The following RNF212B variants were observed in gnomAD, a reference collection of about 807,000 sequenced individuals.
The protein encoded by RNF212B is E3 ubiquitin-protein ligase RNF212B.
In RNF212B, 52 loss-of-function variants were observed where a neutral mutation model predicts 55.5. The observed-to-expected ratio is 0.94, with a 90% CI of 0.75 to 1.18. RNF212B has a LOEUF of 1.18. Among genes scored for constraint, RNF212B ranks in the 50% most tolerant of loss-of-function variants. RNF212B has a pLI of 0.00. For synonymous variants in RNF212B, 99 were observed against 121.4 expected, an observed-to-expected ratio of 0.82 and a Z score of 1.21; for missense variants, 289 against 350.4, an observed-to-expected ratio of 0.82 and a Z score of 1.40.
intron 2 of RNF212B, among the ~76,000 whole-genome samples, chr14:23,231,915 T>G (rs565618701): frequency 6.6e-6 from 1 of 151,660 alleles, no homozygotes; most frequent in South Asian, 2.1e-4. Flanking sequence ...GTGCCGGGAT[T>G]GCAGACGGAG....
chr14:23,234,000 G>A (rs996680069), upstream of RNF212B, among the ~76,000 whole-genome samples: 6 of 152,140 alleles, frequency 3.9e-5, no homozygotes, highest in Admixed American at 3.9e-4. Flanking sequence ...AGGAGGCTAA[G>A]GCAGGAGAAT....
intron 2 of RNF212B, among the ~76,000 whole-genome samples, chr14:23,229,220 T>TTATATATATATATATATA (rs61656270): frequency 5.1e-4 from 33 of 65,014 alleles, no homozygotes; most frequent in South Asian, 2.0e-3. Context: ...GAATAATATT[T>TTATATATATATATATATA]TATATATATA....
chr14:23,272,874 T>C lies in RNF212B; in HGVS notation c.886T>C (p.Trp296Arg), dbSNP rs890687127. The change falls in exon 15 of 15, where the codon TGG becomes CGG. Residue 296 changes from tryptophan to arginine, a missense_variant. Transcript: ENST00000430154. ...GGGATTACCCAGTGGGAGAGAAGCA[T>C]GGACCACTTCTAGATAGATCATCTT... ...HMGLPSGREA[W>R]TTSR The C allele has an allele frequency of 3.3e-5, 51 of 1,544,578 alleles. No individual in the cohort carries two copies. The East Asian group carries it at 7.1e-4, about 21-fold the overall frequency.
intron 1 of RNF212B, among the ~76,000 whole-genome samples, chr14:23,189,924 C>T (rs1027570586): frequency 6.6e-6 from 1 of 152,228 alleles, no homozygotes; most frequent in Non-Finnish European, 1.5e-5. Flanking sequence ...GGAATTACCA[C>T]ATCAAAGCTT....
At chr14:23,263,952 G>A (rs1436706759) in intron 9 of RNF212B, among the ~76,000 whole-genome samples, 3 of 152,118 alleles carry the variant, frequency 2.0e-5, no homozygotes, top group Non-Finnish European at 4.4e-5. Flanking sequence ...GCTGGGCATG[G>A]TGGTGCACGC....
At chr14:23,234,610 C>T (rs996140774), upstream of RNF212B, among the ~76,000 whole-genome samples, 4 of 152,154 alleles carry the variant, frequency 2.6e-5, no homozygotes, top group Admixed American at 6.5e-5. Flanking sequence ...AATTTATTAA[C>T]GTACTTGGTT....
At position 23,226,405 on chromosome 14, in the gene RNF212B, C is replaced by T. The variant is rs908867875; in HGVS notation, c.-1-13940C>T. 4.0e-5 allele frequency among the ~76,000 whole-genome samples: 6 copies of T among 150,514 alleles called. No homozygotes were observed. In the South Asian group the frequency reaches 1.3e-3, roughly 31 times the overall value. On this transcript the variant is annotated intron_variant, in intron 2 of 15. Transcript: ENST00000399910. ...CAGCACTTTAGGAAGCTGTGGCGGG[C>T]GGATCACCAGGTCAGGAGATCGAGA...
chr14:23,223,652 G>A (rs1010488095), intron 2 of RNF212B, among the ~76,000 whole-genome samples: 2 of 152,194 alleles, frequency 1.3e-5, no homozygotes, highest in Non-Finnish European at 2.9e-5. Context: ...ACCGCGCCCG[G>A]CCAAGCCTTT....
chr14:23,225,349 T>C (rs923463714), intron 2 of RNF212B, among the ~76,000 whole-genome samples: 5 of 152,242 alleles, frequency 3.3e-5, no homozygotes, highest in African/African-American at 1.2e-4. Context: ...AAGAGATATC[T>C]GCACTCCCTT....
intron 2 of RNF212B, among the ~76,000 whole-genome samples, chr14:23,202,460 A>C (rs1879395345): frequency 6.6e-6 from 1 of 152,074 alleles, no homozygotes; most frequent in Non-Finnish European, 1.5e-5. Context: ...CTGGGCCTTG[A>C]GGAGTTGAAT....
At chr14:23,266,593 T>C (rs1162262312) in intron 11 of RNF212B, among the ~76,000 whole-genome samples, 1 of 151,712 alleles carries the variant, frequency 6.6e-6, no homozygotes. Flanking sequence ...TTTGTATTTT[T>C]AGTAGACACG....
chr14:23,189,549 T>A (rs931239251), intron 1 of RNF212B, among the ~76,000 whole-genome samples: 1 of 152,154 alleles, frequency 6.6e-6, no homozygotes, highest in Non-Finnish European at 1.5e-5. Flanking sequence ...ACGTCTATAA[T>A]CCCATCACTT....
intron 4 of RNF212B, among the ~76,000 whole-genome samples, chr14:23,245,184 G>T (rs957021935): frequency 6.6e-6 from 1 of 152,028 alleles, no homozygotes; most frequent in Non-Finnish European, 1.5e-5. Flanking sequence ...ACCTCAAGAT[G>T]ATCCTTAGTC....
At chr14:23,222,026 A>G (rs118171536) in intron 2 of RNF212B, among the ~76,000 whole-genome samples, 2 of 152,176 alleles carry the variant, frequency 1.3e-5, no homozygotes, top group Admixed American at 1.3e-4. Context: ...AAGTGTCTAC[A>G]TCAAAAAGGA....
intron 2 of RNF212B, among the ~76,000 whole-genome samples, chr14:23,194,748 A>AC (rs1250191647): frequency 1.3e-5 from 2 of 151,032 alleles, no homozygotes; most frequent in Non-Finnish European, 3.0e-5. Flanking sequence ...AAAAAAAAAA[A>AC]AAAAAAAAAC....
At chr14:23,250,541 G>T (rs35491816) in intron 4 of RNF212B, among the ~76,000 whole-genome samples, 33,174 of 150,512 alleles carry the variant, frequency 0.22, 3,775 homozygotes, top group African/African-American at 0.29. Context: ...TCTATATCTT[G>T]TAAGTACTTG....
intron 1 of RNF212B, among the ~76,000 whole-genome samples, chr14:23,239,318 C>G (rs540324972): frequency 1.3e-3 from 193 of 152,284 alleles, no homozygotes; most frequent in Non-Finnish European, 2.2e-3. Context: ...CCTCGGCCTC[C>G]CAAAGTGCTG....
At chr14:23,222,196 GA>G (rs112047673) in intron 2 of RNF212B, among the ~76,000 whole-genome samples, 90 of 151,212 alleles carry the variant, frequency 6.0e-4, no homozygotes, top group African/African-American at 1.0e-3. Context: ...CAATGAAACA[GA>G]AAAAAAGTTC....
chr14:23,223,630 C>T (rs1290693561), intron 2 of RNF212B, among the ~76,000 whole-genome samples: 1 of 152,168 alleles, frequency 6.6e-6, no homozygotes, highest in Non-Finnish European at 1.5e-5. Context: ...GCTGGGATTA[C>T]AGGCGTGAGC....
Sources: allele counts gnomAD v4.1 joint callset (sites outside exome capture counted in the v4.1 genomes callset), GRCh38; gene constraint gnomAD v4.1.1; transcripts MANE v1.5; gene names NCBI Gene and HGNC (gene_info 2026-07-23, HGNC 2026-07-21).